Variants in NRCAM observed in about 807,000 individuals in gnomAD.
The protein encoded by NRCAM is NgCAM-related cell adhesion molecule.
In NRCAM, 83 loss-of-function variants were observed where a neutral mutation model predicts 156.5. The ratio of observed to expected loss-of-function variants is 0.53; its 90% CI spans 0.44 to 0.64. The LOEUF (loss-of-function observed/expected upper bound fraction) is 0.64, where lower values mean the gene tolerates loss of function less well. NRCAM is among the 30% of genes least tolerant of loss of function. The pLI is 0.00. For synonymous variants in NRCAM, 538 were observed against 563.9 expected, an observed-to-expected ratio of 0.95 and a Z score of 0.65; for missense variants, 1,417 against 1,597.3, an observed-to-expected ratio of 0.89 and a Z score of 1.92.
chr7:108,293,025 T>C (rs1390725123), intron 3 of NRCAM, among the ~76,000 whole-genome samples: 1 of 152,176 alleles, frequency 6.6e-6, no homozygotes. Flanking sequence ...AACTTGTAAA[T>C]GAAGACCTAA....
chr7:108,364,430 T>C lies in NRCAM; in HGVS notation c.-174+35006A>G, dbSNP rs74646379. ...GGGACTGTAAAATGGTATAGGCACT[T>C]TGAAAAACAGTTTGGCAGCTCCTCA... On this transcript the variant is annotated intron_variant, in intron 2 of 32. Coordinates refer to ENST00000379028, the MANE Select transcript of NRCAM (RefSeq NM_001037132.4). Among the ~76,000 whole-genome samples the C allele has an allele frequency of 1.9e-4, 29 of 152,220 alleles. No individual in the cohort carries two copies. The East Asian group carries it at 4.4e-3, about 23-fold the overall frequency.
At chr7:108,286,044 G>A (rs894950209) in intron 3 of NRCAM, among the ~76,000 whole-genome samples, 16 of 152,238 alleles carry the variant, frequency 1.1e-4, no homozygotes, top group Admixed American at 2.6e-4. Context: ...AGTTTCTGTC[G>A]AAACTACTTT....
rs2099688279 is a variant in NRCAM at position 108,378,808 on chromosome 7, A to G, written c.-174+20628T>C. 2.0e-5 allele frequency among the ~76,000 whole-genome samples: 3 copies of G among 151,910 alleles called. No individual in the cohort carries two copies. In the South Asian group the frequency reaches 6.2e-4, roughly 32 times the overall value. ...AGGAAAGATGAAAAAGGAAGGACAA[A>G]GTAGGAAGAAAGAATAGAAAATGGA... is the stretch of plus-strand genomic sequence containing the variant. On this transcript the variant is annotated intron_variant, in intron 2 of 32. Transcript: ENST00000379028.
Position 108,153,166 on chromosome 7 carries a change from C to T in NRCAM, c.3678-3019G>A, listed in dbSNP as rs148689682. Reference sequence around the variant, plus strand: ...TAAGAAAGTCAAACTACAGGCTAATCTCATTCATGAACATAGATGAAAAAA... The same window carrying T: ...TAAGAAAGTCAAACTACAGGCTAATTTCATTCATGAACATAGATGAAAAAA... On this transcript the variant is annotated intron_variant, in intron 32 of 32. Transcript: ENST00000379028. 2.2e-3 allele frequency among the ~76,000 whole-genome samples: 342 copies of T among 152,230 alleles called. 2 individuals are homozygous for T. The highest frequency in any genetic ancestry group is 7.9e-3 in the African/African-American group (330 of 41,542).
intron 3 of NRCAM, among the ~76,000 whole-genome samples, chr7:108,300,404 C>G (rs1242587568): frequency 6.6e-6 from 1 of 151,878 alleles, no homozygotes; most frequent in Non-Finnish European, 1.5e-5. Flanking sequence ...ATACCAGATG[C>G]TATTTTTATA....
intron 2 of NRCAM, among the ~76,000 whole-genome samples, chr7:108,329,897 C>T (rs1049742577): frequency 3.3e-5 from 5 of 152,132 alleles, no homozygotes; most frequent in African/African-American, 9.7e-5. Flanking sequence ...AAATGGAAAT[C>T]ATTTTCTGAT....
At chr7:108,336,709 T>G (rs1181467502) in intron 2 of NRCAM, among the ~76,000 whole-genome samples, 3 of 152,218 alleles carry the variant, frequency 2.0e-5, no homozygotes, top group Admixed American at 6.5e-5. Flanking sequence ...TTCAAAAATT[T>G]TCCACACACA....
chr7:108,289,759 C>A (rs1358355888), intron 3 of NRCAM, among the ~76,000 whole-genome samples: 1 of 152,122 alleles, frequency 6.6e-6, no homozygotes, highest in Non-Finnish European at 1.5e-5. Flanking sequence ...GGGTTCTGAA[C>A]ATGAGGTCTC....
intron 3 of NRCAM, among the ~76,000 whole-genome samples, chr7:108,271,879 G>T (rs775631945): frequency 2.6e-5 from 4 of 152,114 alleles, no homozygotes; most frequent in Non-Finnish European, 5.9e-5. Context: ...TTGGGCTGGG[G>T]TCACATGGAG....
chr7:108,404,485 AGT>A (rs1450544249), intron 1 of NRCAM, among the ~76,000 whole-genome samples: 1 of 152,210 alleles, frequency 6.6e-6, no homozygotes, highest in East Asian at 1.9e-4. Flanking sequence ...AGATTTAAAA[AGT>A]AAGTTTCAAT....
chr7:108,174,091 G>A (rs2059567868), intron 28 of NRCAM, among the ~76,000 whole-genome samples: 2 of 152,160 alleles, frequency 1.3e-5, no homozygotes, highest in Non-Finnish European at 2.9e-5. Flanking sequence ...AACTACTAAT[G>A]ATTTTAATTG....
intron 13 of NRCAM, among the ~76,000 whole-genome samples, chr7:108,199,418 A>G (rs2076798786): frequency 6.6e-6 from 1 of 152,198 alleles, no homozygotes; most frequent in South Asian, 2.1e-4. Flanking sequence ...TTAGAACAAC[A>G]CAAATTTACT....
chr7:108,317,963 G>A (rs2098949782), intron 2 of NRCAM, among the ~76,000 whole-genome samples: 1 of 150,696 alleles, frequency 6.6e-6, no homozygotes, highest in Non-Finnish European at 1.5e-5. Flanking sequence ...GAAAAGGAAA[G>A]GGGGAAGATT....
At chr7:108,166,273 A>C (rs1388732833) in intron 30 of NRCAM, among the ~76,000 whole-genome samples, 4 of 132,166 alleles carry the variant, frequency 3.0e-5, no homozygotes, top group Admixed American at 8.3e-5. Flanking sequence ...TTTGAGACGG[A>C]GTCTTACTCT....
intron 2 of NRCAM, among the ~76,000 whole-genome samples, chr7:108,323,481 A>G (rs2099026887): frequency 1.3e-5 from 2 of 152,148 alleles, no homozygotes; most frequent in Non-Finnish European, 2.9e-5. Context: ...TATTCACCAA[A>G]TCTCTTTCAT....
At chr7:108,383,369 C>A (rs1378091270) in intron 2 of NRCAM, among the ~76,000 whole-genome samples, 1 of 152,190 alleles carries the variant, frequency 6.6e-6, no homozygotes, top group South Asian at 2.1e-4. Context: ...GAAATAAAGA[C>A]AAAAGCTGTC....
intron 3 of NRCAM, among the ~76,000 whole-genome samples, chr7:108,265,665 C>T (rs1218373502): frequency 6.6e-6 from 1 of 152,178 alleles, no homozygotes; most frequent in Non-Finnish European, 1.5e-5. Context: ...AAGAAATTTG[C>T]AAACATTAGC....
At chr7:108,392,843 C>G (rs1394207288) in intron 2 of NRCAM, among the ~76,000 whole-genome samples, 4 of 152,148 alleles carry the variant, frequency 2.6e-5, no homozygotes, top group Non-Finnish European at 5.9e-5. Flanking sequence ...ACTTCAGACC[C>G]TGTTTGCCTG....
rs28418445 is a variant in NRCAM at position 108,185,881 on chromosome 7, T to C, written c.2036-1267A>G. ...ATGCTTGTGTAAATGTAAAACGAAA[T>C]TACTACAACAAATAAACAGACATAT... On this transcript the variant is annotated intron_variant, in intron 20 of 32. Coordinates refer to ENST00000379028, the MANE Select transcript of NRCAM (RefSeq NM_001037132.4). 6.3e-3 allele frequency among the ~76,000 whole-genome samples: 955 copies of C among 152,232 alleles called. 9 individuals are homozygous for C. Among genetic ancestry groups the C allele is most frequent in the African/African-American group, 0.022 (896 of 41,538 alleles).
Sources: gnomAD v4.1 joint callset for allele counts (sites outside exome capture counted in the v4.1 genomes callset) on GRCh38, gnomAD v4.1.1 for gene constraint, MANE v1.5 for transcripts, NCBI Gene and HGNC (gene_info 2026-07-23, HGNC 2026-07-21) for gene names.